Variants in TMEM62 observed in about 807,000 individuals in gnomAD.
TMEM62 encodes the protein transmembrane protein 62.
TMEM62 carries 41 observed loss-of-function variants against 70.4 expected under a neutral mutation model. The observed-to-expected ratio is 0.58, with a 90% CI of 0.45 to 0.76. The LOEUF (loss-of-function observed/expected upper bound fraction) is 0.76, where lower values mean the gene tolerates loss of function less well. TMEM62 is among the 30% of genes least tolerant of loss of function. The probability of loss-of-function intolerance (pLI) is 0.00; values close to 1 mark genes in which losing one functional copy is unlikely to be tolerated. For synonymous variants in TMEM62, 268 were observed against 291.0 expected (o/e 0.92, Z 0.80); for missense variants, 688 against 788.5 (o/e 0.87, Z 1.53).
chr15:43,135,844 T>A (rs2035149974), intron 3 of TMEM62, 195 bp downstream of exon 3: 2 of 520,842 alleles, frequency 3.8e-6, no homozygotes. Flanking sequence ...TGACAATTGG[T>A]ATGGTCCTTT....
chr15:43,166,562 T>C (rs561406513), intron 10 of TMEM62, among the ~76,000 whole-genome samples: 212 of 152,006 alleles, frequency 1.4e-3, no homozygotes, highest in Middle Eastern at 6.8e-3. Context: ...TTTTTCTTTT[T>C]TTTTTTTTTT....
At chr15:43,175,316 A>C (rs544763596) in intron 11 of TMEM62, among the ~76,000 whole-genome samples, 4 of 152,382 alleles carry the variant, frequency 2.6e-5, no homozygotes, top group African/African-American at 9.6e-5. Context: ...GAGCAAGGTT[A>C]TAAGTATAAA....
rs1388450165 is a variant in TMEM62 at position 43,135,499 on chromosome 15, T to G, written c.293-13T>G. On this transcript the variant is annotated splice_polypyrimidine_tract_variant and intron_variant, in intron 2 of 13. Transcript: ENST00000260403. ...ATTTTGCATTGTGATTCAATTCTTG[T>G]GTAAACCTACAGGAGACCTGACAGA... is the stretch of plus-strand genomic sequence containing the variant. 6.3e-7 allele frequency: 1 copy of G among 1,576,982 alleles called. No individual in the cohort carries two copies. The highest frequency in any genetic ancestry group is 2.1e-5 in the Admixed American group (1 of 46,768).
At chr15:43,135,448 A>T (rs1004969789) in intron 2 of TMEM62, 64 bp from the exon 3 acceptor site, 4 of 1,467,628 alleles carry the variant, frequency 2.7e-6, no homozygotes, top group Non-Finnish European at 3.6e-6. Context: ...GTACATATCT[A>T]AAAAAAATGG....
At chr15:43,183,586 T>G (rs1022576388) in intron 13 of TMEM62, among the ~76,000 whole-genome samples, 1 of 152,210 alleles carries the variant, frequency 6.6e-6, no homozygotes, top group Non-Finnish European at 1.5e-5. Flanking sequence ...CCCAGTTACC[T>G]TCTCATGACC....
chr15:43,146,284 A>G lies in TMEM62; in HGVS notation c.477-209A>G, dbSNP rs572432052. 1.6e-4 allele frequency: 71 copies of G among 448,916 alleles called. 1 individual carries two copies. The East Asian group carries it at 1.9e-3, about 12-fold the overall frequency. 27.8% of individuals were successfully genotyped at this position (448,916 alleles called of 1,614,324 possible). On this transcript the variant is annotated intron_variant, in intron 4 of 13. Coordinates refer to ENST00000260403, the MANE Select transcript of TMEM62 (RefSeq NM_024956.4). ...GAACTTGGTGAACTTGTATTTGGTT[A>G]TTGAATGAGTTTGCATGAGTCTTTG...
At chr15:43,172,655 T>C (rs1265309576) in intron 11 of TMEM62, among the ~76,000 whole-genome samples, 1 of 152,116 alleles carries the variant, frequency 6.6e-6, no homozygotes, top group Non-Finnish European at 1.5e-5. Context: ...AGGCAAAAAA[T>C]GTATGCTGAC....
intron 2 of TMEM62, among the ~76,000 whole-genome samples, chr15:43,135,016 C>T (rs1253934299): frequency 6.6e-6 from 1 of 152,184 alleles, no homozygotes; most frequent in African/African-American, 2.4e-5. Context: ...GATGAGCCTC[C>T]ATAAAAAGTT....
chr15:43,148,112 G>C (rs1478910167), intron 5 of TMEM62, among the ~76,000 whole-genome samples: 1 of 152,144 alleles, frequency 6.6e-6, no homozygotes, highest in African/African-American at 2.4e-5. Flanking sequence ...TCCTTGTACA[G>C]TCTGTCTTCA....
At chr15:43,167,207 C>T (rs188164060) in intron 10 of TMEM62, among the ~76,000 whole-genome samples, 5,477 of 150,156 alleles carry the variant, frequency 0.036, 322 homozygotes, top group African/African-American at 0.12. Context: ...GCTGGCCGGG[C>T]GGGGGGCTGA....
Position 43,160,390 on chromosome 15 carries a change from T to C in TMEM62, c.1183-291T>C, listed in dbSNP as rs534791525. On this transcript the variant is annotated intron_variant, in intron 9 of 13. Coordinates refer to ENST00000260403, the MANE Select transcript of TMEM62 (RefSeq NM_024956.4). ...ACATAGCAAGACCCCATCTCTAAAA[T>C]AAATTTAAATATTAGCCAGGCGTAG... The C allele has an allele frequency of 1.3e-3, 282 of 223,556 alleles. 2 individuals carry two copies. The highest frequency in any genetic ancestry group is 1.8e-3 in the Non-Finnish European group (206 of 114,584). The allele number at this position is 223,556 out of a possible 1,614,324, so 13.8% of individuals were successfully genotyped here.
At chr15:43,152,063 T>TA in intron 8 of TMEM62, 118 bp downstream of exon 8, 1 of 598,688 alleles carries the variant, frequency 1.7e-6, no homozygotes. Context: ...CTCAACAACC[T>TA]AAACATTATA....
At chr15:43,166,983 A>T (rs1487907691) in intron 10 of TMEM62, among the ~76,000 whole-genome samples, 4 of 151,902 alleles carry the variant, frequency 2.6e-5, no homozygotes, top group Non-Finnish European at 5.9e-5. Context: ...TCTTTTCCCC[A>T]CCTTCCCCCC....
At chr15:43,167,328 G>A (rs1338354419) in intron 10 of TMEM62, among the ~76,000 whole-genome samples, 5 of 152,156 alleles carry the variant, frequency 3.3e-5, no homozygotes, top group East Asian at 1.9e-4. Flanking sequence ...CTTCCCAGAC[G>A]GGGTGGCTGC....
rs34870646 is a variant in TMEM62 at position 43,163,781 on chromosome 15, C to CAAAA, written c.1296+2994_1296+2997dup. ...TGGGTGACAGAGCGAGACTCCGTCTCAAAAAAAAAACAAAAAACAAAAAAA... is the reference window on the plus strand; with the variant it reads ...TGGGTGACAGAGCGAGACTCCGTCTCAAAAAAAAAAAAAACAAAAAACAAAAAAA... On this transcript the variant is annotated intron_variant, in intron 10 of 13. Coordinates refer to ENST00000260403, the MANE Select transcript of TMEM62 (RefSeq NM_024956.4). 2.3e-3 allele frequency among the ~76,000 whole-genome samples: 339 copies of CAAAA among 148,460 alleles called. 3 individuals are homozygous for CAAAA. Among genetic ancestry groups the CAAAA allele is most frequent in the African/African-American group, 8.0e-3 (323 of 40,438 alleles).
intron 9 of TMEM62, among the ~76,000 whole-genome samples, chr15:43,156,206 G>A (rs191919325): frequency 1.3e-5 from 2 of 152,250 alleles, no homozygotes; most frequent in East Asian, 3.9e-4. Flanking sequence ...ACAGAGACAG[G>A]TTGAGTAGGA....
chr15:43,169,273 C>T, intron 10 of TMEM62: 1 of 211,834 alleles, frequency 4.7e-6, no homozygotes, highest in East Asian at 1.1e-4. Flanking sequence ...TTCTATTTGG[C>T]CATCTTGCTT....
rs925353489 is a variant in TMEM62, at chr15:43,136,598, C to A, written c.430+949C>A. ...TAGCTGGGATTACAGACAGGTACCACCCTGCCCAGTTAATTTTTTTTTTTT... is the reference window on the plus strand; with the variant it reads ...TAGCTGGGATTACAGACAGGTACCAACCTGCCCAGTTAATTTTTTTTTTTT... On this transcript the variant is annotated intron_variant, in intron 3 of 13. Transcript: ENST00000260403. Among the ~76,000 whole-genome samples the A allele has an allele frequency of 7.9e-5, 12 of 151,856 alleles. No individual in the cohort carries two copies. The East Asian group carries it at 1.9e-3, about 24-fold the overall frequency.
chr15:43,166,049 C>A (rs2039375605), intron 10 of TMEM62, among the ~76,000 whole-genome samples: 1 of 152,212 alleles, frequency 6.6e-6, no homozygotes, highest in African/African-American at 2.4e-5. Flanking sequence ...TGTTTGTACT[C>A]ATCCTCCTTG....
Sources: allele counts gnomAD v4.1 joint callset (sites outside exome capture counted in the v4.1 genomes callset), GRCh38; gene constraint gnomAD v4.1.1; transcripts MANE v1.5; gene names NCBI Gene and HGNC (gene_info 2026-07-23, HGNC 2026-07-21).